Variants in GRID1 observed in about 807,000 individuals in gnomAD.
The protein encoded by GRID1 is glutamate ionotropic receptor delta type subunit 1, also known as glutamate receptor ionotropic, delta-1.
A neutral mutation model predicts 98.0 loss-of-function variants in GRID1; 28 were observed. The observed-to-expected ratio is 0.29, with a 90% CI of 0.21 to 0.39. The LOEUF (loss-of-function observed/expected upper bound fraction) is 0.39. Among genes scored for constraint, GRID1 ranks in the 10% least tolerant of loss-of-function variants. The pLI, the probability that GRID1 is intolerant of heterozygous loss-of-function variation, is 1.00. For synonymous variants in GRID1, 553 were observed against 538.5 expected (o/e 1.03, Z -0.37); for missense variants, 1,111 against 1,340.5 (o/e 0.83, Z 2.67).
chr10:86,148,220 G>A (rs1290625882), intron 3 of GRID1, among the ~76,000 whole-genome samples: 5 of 152,238 alleles, frequency 3.3e-5, no homozygotes, highest in Admixed American at 6.5e-5. Context: ...ATCAGCCTTG[G>A]TGGTCACCAG....
intron 8 of GRID1, among the ~76,000 whole-genome samples, chr10:85,790,774 G>A (rs1229875030): frequency 1.3e-5 from 2 of 152,204 alleles, no homozygotes; most frequent in Non-Finnish European, 2.9e-5. Context: ...TGACTGTGCA[G>A]GGCCACCCGG....
chr10:86,110,859 C>T (rs1191218448), intron 4 of GRID1, among the ~76,000 whole-genome samples: 1 of 152,234 alleles, frequency 6.6e-6, no homozygotes, highest in African/African-American at 2.4e-5. Flanking sequence ...GATTCATGTG[C>T]TTATTCAGTA....
At chr10:85,877,908 T>C (rs910431569) in intron 5 of GRID1, among the ~76,000 whole-genome samples, 14 of 152,230 alleles carry the variant, frequency 9.2e-5, no homozygotes, top group African/African-American at 3.4e-4. Flanking sequence ...GAATAACCAA[T>C]GCACAGAAGT....
chr10:85,663,349 C>T (rs964664284), intron 12 of GRID1, among the ~76,000 whole-genome samples: 6 of 152,180 alleles, frequency 3.9e-5, no homozygotes, highest in African/African-American at 1.4e-4. Context: ...AATGCATCTA[C>T]AAGCCAAAGA....
At chr10:85,639,814 G>A (rs998773051) in intron 13 of GRID1, among the ~76,000 whole-genome samples, 3 of 152,062 alleles carry the variant, frequency 2.0e-5, no homozygotes, top group Non-Finnish European at 2.9e-5. Flanking sequence ...CGGAGGTTGC[G>A]GTGAGCTGAG....
chr10:86,190,902 G>GTGCA (rs1361401753), intron 3 of GRID1, among the ~76,000 whole-genome samples: 2 of 147,932 alleles, frequency 1.4e-5, no homozygotes, highest in Non-Finnish European at 3.0e-5. Flanking sequence ...GAGTGTGTAC[G>GTGCA]TGCATGCATG....
chr10:86,012,385 C>T (rs997565808), intron 4 of GRID1, among the ~76,000 whole-genome samples: 8 of 151,986 alleles, frequency 5.3e-5, no homozygotes, highest in Non-Finnish European at 8.8e-5. Context: ...CCTAGGTAAT[C>T]GGCAGAGCCA....
At chr10:86,343,339 T>C (rs746350468) in intron 2 of GRID1, among the ~76,000 whole-genome samples, 1 of 152,224 alleles carries the variant, frequency 6.6e-6, no homozygotes, top group Non-Finnish European at 1.5e-5. Flanking sequence ...AGAGATGGTA[T>C]GTTACTGGGA....
At chr10:86,205,875 C>G (rs572667396) in intron 3 of GRID1, among the ~76,000 whole-genome samples, 21 of 152,158 alleles carry the variant, frequency 1.4e-4, no homozygotes, top group African/African-American at 5.1e-4. Flanking sequence ...CAACCCCAGC[C>G]TGGCTCCATG....
chr10:86,125,147 G>A (rs768698183), intron 4 of GRID1, among the ~76,000 whole-genome samples: 1 of 152,268 alleles, frequency 6.6e-6, no homozygotes, highest in Non-Finnish European at 1.5e-5. Context: ...ACTGGAGGAA[G>A]ACAATCTGGC....
At chr10:86,097,691 A>T (rs1419447343) in intron 4 of GRID1, among the ~76,000 whole-genome samples, 1 of 152,246 alleles carries the variant, frequency 6.6e-6, no homozygotes, top group African/African-American at 2.4e-5. Context: ...CTTTGTTTTA[A>T]AAAAAGAATA....
chr10:85,759,753 T>A (rs985184426), intron 8 of GRID1, among the ~76,000 whole-genome samples: 6 of 152,246 alleles, frequency 3.9e-5, no homozygotes, highest in African/African-American at 1.4e-4. Context: ...AAACTATTTT[T>A]AAAATGAGTT....
intron 4 of GRID1, among the ~76,000 whole-genome samples, chr10:86,023,786 C>T (rs779355075): frequency 6.6e-6 from 1 of 152,154 alleles, no homozygotes; most frequent in Non-Finnish European, 1.5e-5. Context: ...TCATTGGTCT[C>T]CTACCTCTCT....
chr10:85,651,494 C>T (rs2132557741), intron 12 of GRID1, among the ~76,000 whole-genome samples: 1 of 152,342 alleles, frequency 6.6e-6, no homozygotes, highest in East Asian at 1.9e-4. Flanking sequence ...AATGCTCCCC[C>T]ATCAGCCCCC....
chr10:85,687,191 A>T (rs1841279026), intron 12 of GRID1, among the ~76,000 whole-genome samples: 2 of 152,158 alleles, frequency 1.3e-5, no homozygotes, highest in Non-Finnish European at 2.9e-5. Flanking sequence ...AAAATATTCA[A>T]ACTTCAGCAA....
At chr10:86,016,896 A>G (rs1842987913) in intron 4 of GRID1, among the ~76,000 whole-genome samples, 1 of 152,236 alleles carries the variant, frequency 6.6e-6, no homozygotes, top group South Asian at 2.1e-4. Context: ...CAGCATCCAC[A>G]GAATGAGGGT....
At chr10:85,756,865 T>A (rs1842104457) in intron 8 of GRID1, among the ~76,000 whole-genome samples, 1 of 152,228 alleles carries the variant, frequency 6.6e-6, no homozygotes, top group South Asian at 2.1e-4. Flanking sequence ...ACTGTACCAA[T>A]ATAAACTCCT....
At chr10:86,024,281 A>G (rs1046788666) in intron 4 of GRID1, among the ~76,000 whole-genome samples, 7 of 152,120 alleles carry the variant, frequency 4.6e-5, no homozygotes, top group Non-Finnish European at 8.8e-5. Context: ...TCTGGTGCAA[A>G]CGACCCATTT....
intron 13 of GRID1, among the ~76,000 whole-genome samples, chr10:85,623,483 T>G (rs1842879213): frequency 6.6e-6 from 1 of 152,118 alleles, no homozygotes; most frequent in African/African-American, 2.4e-5. Context: ...TAATGATGAA[T>G]TCACCCCCTT....
Sources: allele counts gnomAD v4.1 joint callset (sites outside exome capture counted in the v4.1 genomes callset), GRCh38; gene constraint gnomAD v4.1.1; transcripts MANE v1.5; gene names NCBI Gene and HGNC (gene_info 2026-07-23, HGNC 2026-07-21).